Variants in ACOT11 observed in about 807,000 individuals in gnomAD.
ACOT11 encodes acyl-CoA thioesterase 11, also known as acyl-coenzyme A thioesterase 11.
In ACOT11, 69 loss-of-function variants were observed where a neutral mutation model predicts 77.5. That is an observed-to-expected ratio of 0.89 (90% CI 0.73 to 1.09). ACOT11 has a LOEUF of 1.09. Among genes scored for constraint, ACOT11 ranks in the 50% least tolerant of loss-of-function variants. The pLI is 0.00. For synonymous variants in ACOT11, 279 were observed against 313.0 expected, an observed-to-expected ratio of 0.89 and a Z score of 1.15; for missense variants, 766 against 813.7, an observed-to-expected ratio of 0.94 and a Z score of 0.71.
At chr1:54,616,864 A>G (rs1310755595) in intron 15 of ACOT11, among the ~76,000 whole-genome samples, 1 of 152,078 alleles carries the variant, frequency 6.6e-6, no homozygotes, top group Non-Finnish European at 1.5e-5. Flanking sequence ...CCCATCCCTG[A>G]GATGCTTTGG....
chr1:54,548,303 C>T lies in ACOT11; in HGVS notation c.-7C>T, dbSNP rs368538964. 69 of 1,593,810 alleles carry T rather than the reference C, an allele frequency of 4.3e-5. No individual in the cohort carries two copies. Among genetic ancestry groups the T allele is most frequent in the Admixed American group, 8.7e-5 (5 of 57,186 alleles). ...GAGGGCGCTGCTTTCCCCGGCCACC[C>T]GGCGCGATGATCCAGAATGTCGGAA... On this transcript the variant is annotated 5_prime_UTR_variant, in exon 1 of 16. Transcript: ENST00000343744.
intron 2 of ACOT11, among the ~76,000 whole-genome samples, 162 bp downstream of exon 2, chr1:54,585,024 C>T (rs1288856064): frequency 6.6e-6 from 1 of 152,176 alleles, no homozygotes; most frequent in Non-Finnish European, 1.5e-5. Flanking sequence ...CCTGATGTCT[C>T]AATGCTCAGC....
chr1:54,630,630 G>A (rs1417727214), intron 15 of ACOT11: 6 of 525,556 alleles, frequency 1.1e-5, no homozygotes, highest in South Asian at 5.9e-5. Flanking sequence ...TAATAAATAC[G>A]TGGATAAATC....
Position 54,615,411 on chromosome 1 carries a change from A to G in ACOT11, c.1629+7343A>G, listed in dbSNP as rs1261329436. 3.3e-5 allele frequency among the ~76,000 whole-genome samples: 5 copies of G among 152,094 alleles called. No individual in the cohort carries two copies. In the East Asian group the frequency reaches 9.7e-4, roughly 29 times the overall value. The stretch of plus-strand genomic sequence containing the variant: ...GGGGAGCCACGGAGGGTTAAAAGAG[A>G]GGCGTGGCATGACAAAACTGGTGTT... On this transcript the variant is annotated intron_variant, in intron 15 of 16. Transcript: ENST00000371316.
At chr1:54,591,899 AT>A in intron 3 of ACOT11, among the ~76,000 whole-genome samples, 1 of 152,342 alleles carries the variant, frequency 6.6e-6, no homozygotes, top group African/African-American at 2.4e-5. Flanking sequence ...TGAGGTTCCA[AT>A]GGCAGTGCAC....
chr1:54,561,029 G>A (rs1009319238), intron 1 of ACOT11, among the ~76,000 whole-genome samples: 3 of 151,976 alleles, frequency 2.0e-5, no homozygotes, highest in African/African-American at 7.3e-5. Context: ...GCCTCCCAAA[G>A]TGCTGGGATT....
chr1:54,612,773 G>A (rs1435705960), downstream of ACOT11: 10 of 1,279,278 alleles, frequency 7.8e-6, no homozygotes, highest in South Asian at 1.2e-5. Context: ...CTCCTCTGGG[G>A]TCTCATCACA....
chr1:54,597,382 C>G lies in ACOT11; in HGVS notation c.731C>G (p.Ala244Gly). Reference protein sequence around the residue: ...QGNTFGGQIMAWMENVATIAA... With the variant: ...QGNTFGGQIMGWMENVATIAA... ...AACACCTTTGGGGGCCAGATCATGG[C>G]CTGGATGGAGAATGTGGCCACCATT... The change falls in exon 7 of 16, where the codon GCC (alanine) becomes GGC (glycine). Residue 244 changes from alanine to glycine, a missense_variant. By Grantham distance (60) the Ala-to-Gly change is moderately conservative. Transcript: ENST00000343744. The G allele has an allele frequency of 6.2e-7, 1 of 1,613,550 alleles. No homozygotes were observed. The highest frequency in any genetic ancestry group is 8.5e-7 in the Non-Finnish European group (1 of 1,179,864).
chr1:54,609,226 AGCCTCC>A lies in ACOT11; in HGVS notation c.*118_*123del, dbSNP rs750636549. 4.9e-5 allele frequency: 78 copies of A among 1,590,620 alleles called. No homozygotes were observed. Among genetic ancestry groups the A allele is most frequent in the South Asian group, 3.6e-4 (31 of 87,090 alleles). Reference sequence around the variant, plus strand: ...TATTTCTTCCTGCCTCCCCGTGGGAAGCCTCCGCCCTGAGGTCCGCTGGCCCACCAC... The same window carrying A: ...TATTTCTTCCTGCCTCCCCGTGGGAAGCCCTGAGGTCCGCTGGCCCACCAC... On this transcript the variant is annotated 3_prime_UTR_variant, in exon 16 of 16. Coordinates refer to ENST00000343744, the MANE Select transcript of ACOT11 (RefSeq NM_147161.4).
chr1:54,601,259 C>T lies in ACOT11; in HGVS notation c.885-10C>T, dbSNP rs767729451. On this transcript the variant is annotated splice_polypyrimidine_tract_variant and intron_variant, in intron 8 of 15. Coordinates refer to ENST00000343744, the MANE Select transcript of ACOT11 (RefSeq NM_147161.4). ...CTGTCCAGGTTGGAAGCCACACTCC[C>T]TCCCCTCAGCATGGAGGTGGGCGTG... The T allele has an allele frequency of 6.2e-7, 1 of 1,608,232 alleles. No individual in the cohort carries two copies. Among genetic ancestry groups the T allele is most frequent in the Non-Finnish European group, 8.5e-7 (1 of 1,179,406 alleles).
exon 17 of ACOT11, chr1:54,635,244 A>C (rs11206401): frequency 0.05 from 11,144 of 220,718 alleles, 386 homozygotes; most frequent in Middle Eastern, 0.13. Context: ...TTGGTCCCCC[A>C]AGGGGATGTT....
At chr1:54,600,458 A>G (rs896351531) in intron 8 of ACOT11, among the ~76,000 whole-genome samples, 5 of 152,138 alleles carry the variant, frequency 3.3e-5, no homozygotes, top group Admixed American at 2.6e-4. Context: ...CGAGGCAGGA[A>G]GATCACTTAC....
In ACOT11 at chr1:54,599,404, C is replaced by A; in HGVS notation, c.873C>A (p.Ala291=). The change falls in exon 8 of 16, where the codon GCC becomes GCA. Residue 291 remains alanine, a synonymous_variant. Transcript: ENST00000343744. ...TGCTCAAAGCCATCGTGAACAATGC[C>A]TTCAAACATAGGTGAGGGTCTGGGA... ...RLVLKAIVNN[A]FKHSMEVGVC... 6.2e-7 allele frequency: 1 copy of A among 1,604,146 alleles called. No individual in the cohort carries two copies. Among genetic ancestry groups the A allele is most frequent in the Non-Finnish European group, 8.5e-7 (1 of 1,174,726 alleles).
At position 54,582,414 on chromosome 1, in the gene ACOT11, G is replaced by T. The variant is rs996342905; in HGVS notation, c.34-2241G>T. ...GCCCCTCTAGGCCCAATTTGTCTTT[G>T]TATTCTCTATCTTTGCCCAGGGCCC... On this transcript the variant is annotated intron_variant, in intron 1 of 15. Coordinates refer to ENST00000343744, the MANE Select transcript of ACOT11 (RefSeq NM_147161.4). The T allele has an allele frequency of 2.8e-5, 28 of 985,148 alleles. No homozygotes were observed. In the African/African-American group the frequency reaches 4.4e-4, roughly 15 times the overall value. 61.0% of individuals were successfully genotyped at this position (985,148 alleles called of 1,614,324 possible).
chr1:54,582,514 G>A (rs1438361661), intron 1 of ACOT11: 8 of 985,246 alleles, frequency 8.1e-6, no homozygotes, highest in South Asian at 4.7e-5. Context: ...CCTGGCTCCC[G>A]TGGCATAGGG....
At chr1:54,602,584 A>G in intron 9 of ACOT11, 85 bp from the exon 10 acceptor site, 2 of 1,306,610 alleles carry the variant, frequency 1.5e-6, no homozygotes, top group Non-Finnish European at 2.0e-6. Flanking sequence ...TTAGGGCTGC[A>G]GGAACTCCTT....
chr1:54,554,351 A>ATATATATATAT (rs1553161034), intron 1 of ACOT11, among the ~76,000 whole-genome samples: 108 of 97,246 alleles, frequency 1.1e-3, no homozygotes, highest in Non-Finnish European at 1.2e-3. Context: ...ATATATATAT[A>ATATATATATAT]TTTTTTTTTT....
intron 16 of ACOT11, among the ~76,000 whole-genome samples, chr1:54,631,623 A>G (rs1569817790): frequency 6.6e-6 from 1 of 152,208 alleles, no homozygotes; most frequent in East Asian, 1.9e-4. Context: ...TCGATGCACA[A>G]GTGGTCATGC....
At chr1:54,605,669 A>T (rs543250738) in intron 13 of ACOT11, among the ~76,000 whole-genome samples, 1 of 152,230 alleles carries the variant, frequency 6.6e-6, no homozygotes, top group African/African-American at 2.4e-5. Context: ...AGTTTGTTGA[A>T]CTTACCAAGT....
Sources: gnomAD v4.1 joint callset for allele counts (sites outside exome capture counted in the v4.1 genomes callset) on GRCh38, gnomAD v4.1.1 for gene constraint, MANE v1.5 for transcripts, NCBI Gene and HGNC (gene_info 2026-07-23, HGNC 2026-07-21) for gene names.